TCAIM: variants seen among roughly 807,000 people sequenced by gnomAD.
TCAIM encodes T cell activation inhibitor, mitochondrial, also known as T-cell activation inhibitor, mitochondrial.
In TCAIM, 36 loss-of-function variants were observed where a neutral mutation model predicts 58.6. That is an observed-to-expected ratio of 0.61 (90% CI 0.47 to 0.81). The LOEUF (loss-of-function observed/expected upper bound fraction) is 0.81. Among genes scored for constraint, TCAIM ranks in the 30% least tolerant of loss-of-function variants. The probability of loss-of-function intolerance (pLI) is 0.00; values close to 1 mark genes in which losing one functional copy is unlikely to be tolerated. For missense variants in TCAIM, 466 were observed against 579.6 expected (o/e 0.80, Z 2.01); for synonymous variants, 172 against 193.6 (o/e 0.89, Z 0.93).
At chr3:44,354,265 A>G (rs1701149451) in intron 1 of TCAIM, among the ~76,000 whole-genome samples, 1 of 152,284 alleles carries the variant, frequency 6.6e-6, no homozygotes, top group South Asian at 2.1e-4. Context: ...ATTCTGTTTC[A>G]TGGATCTATT....
intron 1 of TCAIM, among the ~76,000 whole-genome samples, chr3:44,349,521 G>A (rs1701041784): frequency 6.6e-6 from 1 of 152,120 alleles, no homozygotes. Context: ...AAAAGAGAGG[G>A]TAGAGACATG....
intron 8 of TCAIM, among the ~76,000 whole-genome samples, chr3:44,398,030 AC>A (rs925558527): frequency 6.6e-6 from 1 of 151,270 alleles, no homozygotes; most frequent in Non-Finnish European, 1.5e-5. Context: ...AAAAAAAAAA[AC>A]AACTAAAAAG....
At chr3:44,352,330 G>A (rs998657407) in intron 1 of TCAIM, among the ~76,000 whole-genome samples, 9 of 152,056 alleles carry the variant, frequency 5.9e-5, no homozygotes, top group African/African-American at 2.2e-4. Context: ...ACTGCTCATA[G>A]GATTTTAAAA....
chr3:44,399,619 T>C (rs1413064607), intron 8 of TCAIM, among the ~76,000 whole-genome samples: 1 of 152,204 alleles, frequency 6.6e-6, no homozygotes, highest in Non-Finnish European at 1.5e-5. Flanking sequence ...CCAAACATGC[T>C]GTTCCTTTTC....
intron 1 of TCAIM, among the ~76,000 whole-genome samples, chr3:44,345,715 G>A (rs1051610665): frequency 1.3e-5 from 2 of 152,166 alleles, no homozygotes; most frequent in African/African-American, 4.8e-5. Flanking sequence ...AAGAATAAGA[G>A]TGAGTATGAA....
At chr3:44,401,439 G>A (rs1702020613) in intron 10 of TCAIM, 105 bp downstream of exon 10, 1 of 1,362,966 alleles carries the variant, frequency 7.3e-7, no homozygotes, top group Admixed American at 2.3e-5. Context: ...ATGAAGCTTA[G>A]GAAATTGACT....
At chr3:44,357,606 G>C in intron 2 of TCAIM, 135 bp from the exon 3 acceptor site, 4 of 1,181,530 alleles carry the variant, frequency 3.4e-6, no homozygotes, top group Non-Finnish European at 4.5e-6. Flanking sequence ...AAAACTAATA[G>C]ATTTCAGAAA....
In TCAIM at chr3:44,361,345, C is replaced by A. The variant is rs562657130; in HGVS notation, c.166-20C>A. 220 of 1,582,722 alleles carry A rather than the reference C, an allele frequency of 1.4e-4. 3 individuals carry two copies. The South Asian group carries it at 2.4e-3, about 18-fold the overall frequency. The stretch of plus-strand genomic sequence containing the variant: ...CCTTGTTCTATTTTGTATGTAAATG[C>A]CCTTAATGTTTTTTTCCAGGAAATC... On this transcript the variant is annotated intron_variant, in intron 3 of 10. Coordinates refer to ENST00000342649, the MANE Select transcript of TCAIM (RefSeq NM_173826.4).
intron 3 of TCAIM, chr3:44,358,273 G>T: frequency 8.7e-7 from 1 of 1,151,280 alleles, no homozygotes. Context: ...GATGCATGCT[G>T]CTGGACCACT....
In TCAIM at chr3:44,407,845, G is replaced by A. The variant is rs1702125049; in HGVS notation, c.*163G>A. 5 of 755,412 alleles carry A rather than the reference G, an allele frequency of 6.6e-6. No individual in the cohort carries two copies. In the African/African-American group the frequency reaches 9.1e-5, roughly 14 times the overall value. The allele number at this position is 755,412 out of a possible 1,614,324, so 46.8% of individuals were successfully genotyped here. A position where few individuals can be genotyped will look rare whatever the true frequency, so the allele number is the denominator to read the frequency against. Reference sequence around the variant, plus strand: ...AAAAAAATTAATTTCTGCTAGGAGAGGTTTTATATGCCAGGCGTGGTGGCT... The same window carrying A: ...AAAAAAATTAATTTCTGCTAGGAGAAGTTTTATATGCCAGGCGTGGTGGCT... On this transcript the variant is annotated 3_prime_UTR_variant, in exon 11 of 11. Transcript: ENST00000342649.
At chr3:44,369,211 A>T (rs1274301639) in intron 5 of TCAIM, among the ~76,000 whole-genome samples, 1 of 152,210 alleles carries the variant, frequency 6.6e-6, no homozygotes, top group Non-Finnish European at 1.5e-5. Context: ...TTCAAGTTTT[A>T]TGTGGGACAC....
chr3:44,356,713 C>T (rs1575244163), intron 2 of TCAIM, among the ~76,000 whole-genome samples: 2 of 151,982 alleles, frequency 1.3e-5, no homozygotes, highest in South Asian at 4.2e-4. Flanking sequence ...TGCCTGCAAT[C>T]CCAGTACTTT....
chr3:44,391,579 C>G (rs1701837461), intron 5 of TCAIM, among the ~76,000 whole-genome samples: 2 of 152,094 alleles, frequency 1.3e-5, no homozygotes, highest in African/African-American at 2.4e-5. Flanking sequence ...TTCTGCTGAG[C>G]TTATTATAGA....
At chr3:44,358,229 A>C in intron 3 of TCAIM, 1 of 1,542,172 alleles carries the variant, frequency 6.5e-7, no homozygotes, top group South Asian at 1.2e-5. Flanking sequence ...TGATACATGG[A>C]AGAGTTTTCA....
At position 44,393,115 on chromosome 3, in the gene TCAIM, A is replaced by T. The variant is rs942569438; in HGVS notation, c.695+138A>T. On this transcript the variant is annotated intron_variant, in intron 6 of 10. Coordinates refer to ENST00000342649, the MANE Select transcript of TCAIM (RefSeq NM_173826.4). The stretch of plus-strand genomic sequence containing the variant: ...CTCTTCAATTATCTTTATGAACATC[A>T]TGAAATGTTCATCTGTGTAAGAAAA... The T allele has an allele frequency of 5.5e-6, 4 of 728,396 alleles. No homozygotes were observed. In the South Asian group the frequency reaches 7.5e-5, roughly 14 times the overall value. The allele number at this position is 728,396 out of a possible 1,614,324, so 45.1% of individuals were successfully genotyped here.
chr3:44,405,657 G>A (rs1702088559), intron 10 of TCAIM, among the ~76,000 whole-genome samples: 1 of 151,494 alleles, frequency 6.6e-6, no homozygotes. Context: ...CTGGGCAACA[G>A]CAAGACCCTA....
intron 2 of TCAIM, among the ~76,000 whole-genome samples, chr3:44,356,687 C>A (rs1219610803): frequency 1.3e-5 from 2 of 151,634 alleles, no homozygotes; most frequent in African/African-American, 4.9e-5. Context: ...ATATCACGGC[C>A]AGGTATGGTG....
intron 3 of TCAIM, chr3:44,358,150 AG>A (rs1701232951): frequency 6.6e-7 from 1 of 1,521,068 alleles, no homozygotes; most frequent in Admixed American, 2.4e-5. Context: ...AGTACAGTTG[AG>A]GGTTTGAAAG....
intron 5 of TCAIM, among the ~76,000 whole-genome samples, chr3:44,369,251 GGAGAATATTGTT>G (rs1487992893): frequency 6.6e-6 from 1 of 152,084 alleles, no homozygotes; most frequent in Non-Finnish European, 1.5e-5. Context: ...TACACCCGCG[GGAGAATATTGTT>G]GTACTTATCT....
Sources: gnomAD v4.1 joint callset for allele counts (sites outside exome capture counted in the v4.1 genomes callset) on GRCh38, gnomAD v4.1.1 for gene constraint, MANE v1.5 for transcripts, NCBI Gene and HGNC (gene_info 2026-07-23, HGNC 2026-07-21) for gene names.